BBX: variants seen among roughly 807,000 people sequenced by gnomAD.
The protein encoded by BBX is BBX high mobility group box domain containing.
In BBX, 30 loss-of-function variants were observed where a neutral mutation model predicts 100.2. That is an observed-to-expected ratio of 0.30 (90% CI 0.22 to 0.41). The LOEUF is 0.41. BBX is among the 10% of genes least tolerant of loss of function. The pLI is 1.00. For synonymous variants in BBX, 376 were observed against 388.1 expected, an observed-to-expected ratio of 0.97 and a Z score of 0.37; for missense variants, 1,023 against 1,129.8, an observed-to-expected ratio of 0.91 and a Z score of 1.35.
At chr3:107,602,376 T>G (rs2054126692) in intron 2 of BBX, among the ~76,000 whole-genome samples, 1 of 152,180 alleles carries the variant, frequency 6.6e-6, no homozygotes, top group African/African-American at 2.4e-5. Flanking sequence ...GCATAGTCAT[T>G]GAAAACCTTC....
intron 2 of BBX, among the ~76,000 whole-genome samples, chr3:107,586,763 T>G (rs1373152446): frequency 6.6e-6 from 1 of 152,076 alleles, no homozygotes; most frequent in Non-Finnish European, 1.5e-5. Context: ...ACTTTTTTTT[T>G]TTTTGAGATG....
chr3:107,755,618 G>C lies in BBX; in HGVS notation c.846G>C (p.Gln282His). 6.2e-7 allele frequency: 1 copy of C among 1,613,906 alleles called. No homozygotes were observed. The highest frequency in any genetic ancestry group is 8.5e-7 in the Non-Finnish European group (1 of 1,179,846). ...QFAEISSNTSQLGGAEPVKRC... is the reference protein window; with the variant it reads ...QFAEISSNTSHLGGAEPVKRC... ...TATAGATTTCTTCAAACACTTCGCA[G>C]TTGGGTGGTGCTGAGCCTGTAAAAC... Residue 282 changes from glutamine (Q) to histidine (H), a missense_variant, in exon 10 of 18, where the codon CAG becomes CAC. By Grantham distance (24) the Gln-to-His change is conservative. Around this residue, in one of 9 missense-constraint regions of BBX, gnomAD observed 95 missense variants for 95.1 expected, o/e 1.00. Coordinates refer to ENST00000325805, the MANE Select transcript of BBX (RefSeq NM_001142568.3).
chr3:107,607,899 AGATTATTT>A (rs2054569143), intron 2 of BBX, among the ~76,000 whole-genome samples: 1 of 152,046 alleles, frequency 6.6e-6, no homozygotes, highest in African/African-American at 2.4e-5. Flanking sequence ...TTTTAAAATT[AGATTATTT>A]GATTATTTTT....
intron 2 of BBX, among the ~76,000 whole-genome samples, chr3:107,563,323 G>T (rs2050646351): frequency 6.6e-6 from 1 of 152,296 alleles, no homozygotes; most frequent in East Asian, 1.9e-4. Flanking sequence ...CCATCTCACA[G>T]AGCCAGACTG....
At chr3:107,751,533 G>T (rs182512853) in intron 9 of BBX, among the ~76,000 whole-genome samples, 4 of 151,928 alleles carry the variant, frequency 2.6e-5, no homozygotes, top group African/African-American at 4.8e-5. Flanking sequence ...TGTTTGTTTT[G>T]ATTTTTTTTC....
chr3:107,792,599 A>G lies in BBX; in HGVS notation c.2353+1300A>G, dbSNP rs972831876. Among the ~76,000 whole-genome samples the G allele has an allele frequency of 4.6e-5, 7 of 152,180 alleles. No individual in the cohort carries two copies. The South Asian group carries it at 6.2e-4, about 14-fold the overall frequency. Reference sequence around the variant, plus strand: ...TACAGAAAACGCCAGCACTACATCTATTATCTCACTTGTTGATTCACATTC... The same window carrying G: ...TACAGAAAACGCCAGCACTACATCTGTTATCTCACTTGTTGATTCACATTC... On this transcript the variant is annotated intron_variant, in intron 15 of 17. Coordinates refer to ENST00000325805, the MANE Select transcript of BBX (RefSeq NM_001142568.3).
At chr3:107,598,737 A>G (rs1345936673) in intron 2 of BBX, among the ~76,000 whole-genome samples, 1 of 152,226 alleles carries the variant, frequency 6.6e-6, no homozygotes, top group East Asian at 1.9e-4. Flanking sequence ...AACCTTTGCT[A>G]CATCACACCT....
At chr3:107,623,220 G>A (rs2055913207) in intron 2 of BBX, among the ~76,000 whole-genome samples, 1 of 152,158 alleles carries the variant, frequency 6.6e-6, no homozygotes. Context: ...GGGACAAGCA[G>A]TGGGATGATA....
At chr3:107,710,235 C>T (rs1187099157) in intron 3 of BBX, among the ~76,000 whole-genome samples, 19 of 152,170 alleles carry the variant, frequency 1.2e-4, no homozygotes, top group Non-Finnish European at 1.5e-5. Context: ...CCATTTAGCC[C>T]ACTAAAATGA....
In BBX at chr3:107,785,914, TGTA is replaced by T. The variant is rs2068372427; in HGVS notation, c.2204-3872_2204-3870del. Among the ~76,000 whole-genome samples, 7 of 152,110 alleles carry T rather than the reference TGTA, an allele frequency of 4.6e-5. No homozygotes were observed. In the South Asian group the frequency reaches 1.5e-3, roughly 32 times the overall value. ...TATTTATTCTCAGATAACATGACCT[TGTA>T]TATAGAAAATCCTAAGGAATCCACC... On this transcript the variant is annotated intron_variant, in intron 13 of 17. Transcript: ENST00000325805.
intron 9 of BBX, 94 bp from the exon 10 acceptor site, chr3:107,755,504 C>A (rs189627501): frequency 1.8e-6 from 2 of 1,097,078 alleles, no homozygotes; most frequent in Non-Finnish European, 2.8e-6. Context: ...ATGATACTCT[C>A]GTAACTAAGA....
At chr3:107,782,095 C>T (rs2067953052) in intron 13 of BBX, among the ~76,000 whole-genome samples, 1 of 152,096 alleles carries the variant, frequency 6.6e-6, no homozygotes, top group African/African-American at 2.4e-5. Flanking sequence ...CAGATTTCTA[C>T]AGGAATATGG....
rs2067497171 is a variant in BBX, at chr3:107,778,354, C to T, written c.2055-17C>T. 1 of 1,612,768 alleles carries T rather than the reference C, an allele frequency of 6.2e-7. No homozygotes were observed. The highest frequency in any genetic ancestry group is 1.7e-5 in the Admixed American group (1 of 59,880). On this transcript the variant is annotated splice_polypyrimidine_tract_variant and intron_variant, in intron 12 of 17. Coordinates refer to ENST00000325805, the MANE Select transcript of BBX (RefSeq NM_001142568.3). ...TTTGGTCATGTGCTGATTGATTCCC[C>T]TCTCCCCTTTTAATAGCTCCGCAAA...
intron 10 of BBX, among the ~76,000 whole-genome samples, chr3:107,758,628 T>A (rs1457705110): frequency 1.3e-5 from 2 of 152,128 alleles, no homozygotes; most frequent in Non-Finnish European, 1.5e-5. Context: ...AAAAAGCCTG[T>A]AACCCAACCA....
chr3:107,662,793 A>G (rs978381886), intron 3 of BBX: 1 of 152,096 alleles, frequency 6.6e-6, no homozygotes, highest in Non-Finnish European at 1.5e-5. Context: ...ACGTTGGGCA[A>G]TCTACTTCAC....
At chr3:107,609,287 T>C (rs1354519450) in intron 2 of BBX, among the ~76,000 whole-genome samples, 2 of 152,162 alleles carry the variant, frequency 1.3e-5, no homozygotes, top group Non-Finnish European at 2.9e-5. Context: ...TTAAGTTTGT[T>C]AGTATTTTGT....
At chr3:107,800,431 A>G (rs911885988) in intron 16 of BBX, among the ~76,000 whole-genome samples, 4 of 152,188 alleles carry the variant, frequency 2.6e-5, no homozygotes, top group African/African-American at 4.8e-5. Context: ...TATATTTACA[A>G]TTTTTTTAAA....
At chr3:107,774,597 G>T in intron 11 of BBX, 122 bp from the exon 12 acceptor site, 1 of 1,042,882 alleles carries the variant, frequency 9.6e-7, no homozygotes, top group Non-Finnish European at 1.4e-6. Flanking sequence ...CTCTGAAATA[G>T]CTACAGTTAG....
intron 2 of BBX, among the ~76,000 whole-genome samples, chr3:107,604,564 A>G (rs890596663): frequency 1.3e-5 from 2 of 152,130 alleles, no homozygotes; most frequent in Non-Finnish European, 1.5e-5. Flanking sequence ...CTGTAACTCC[A>G]TGGTTCTGTA....
Sources: allele counts gnomAD v4.1 joint callset (sites outside exome capture counted in the v4.1 genomes callset), GRCh38; gene constraint gnomAD v4.1.1; regional missense constraint gnomAD v4.1.1; transcripts MANE v1.5; gene names NCBI Gene and HGNC (gene_info 2026-07-23, HGNC 2026-07-21).